KCND2: variants seen among roughly 807,000 people sequenced by gnomAD.
The protein encoded by KCND2 is A-type voltage-gated potassium channel KCND2.
Under a neutral mutation model 54.4 loss-of-function variants are expected in KCND2, and 16 were observed. The observed-to-expected ratio is 0.29, with a 90% confidence interval of 0.20 to 0.45. The LOEUF (loss-of-function observed/expected upper bound fraction) is 0.45, where lower values mean the gene tolerates loss of function less well. KCND2 is among the 20% of genes least tolerant of loss of function. The probability of loss-of-function intolerance (pLI) is 1.00; values close to 1 mark genes in which losing one functional copy is unlikely to be tolerated. For missense variants in KCND2, 486 were observed against 824.2 expected (o/e 0.59, Z 5.02); for synonymous variants, 317 against 310.7 (o/e 1.02, Z -0.21).
intron 1 of KCND2, among the ~76,000 whole-genome samples, chr7:120,278,075 G>A (rs1799205538): frequency 1.3e-5 from 2 of 151,960 alleles, no homozygotes; most frequent in South Asian, 4.1e-4. Flanking sequence ...AAATGTCGAT[G>A]TAATCAAAAT....
chr7:120,430,941 A>C (rs1045517331), intron 1 of KCND2, among the ~76,000 whole-genome samples: 1 of 152,212 alleles, frequency 6.6e-6, no homozygotes, highest in Admixed American at 6.5e-5. Context: ...TGAGTTAATA[A>C]ATTTCTGTAC....
intron 1 of KCND2, among the ~76,000 whole-genome samples, chr7:120,306,200 C>G (rs1192880079): frequency 2.6e-5 from 4 of 152,014 alleles, no homozygotes; most frequent in African/African-American, 9.7e-5. Flanking sequence ...ATATCTCAAT[C>G]CCACCTCCTC....
chr7:120,402,774 T>A (rs1012447999), intron 1 of KCND2, among the ~76,000 whole-genome samples: 1 of 152,178 alleles, frequency 6.6e-6, no homozygotes, highest in Non-Finnish European at 1.5e-5. Context: ...TTTGACATAG[T>A]TTGCTTACAT....
At chr7:120,313,622 G>GT (rs1287581601) in intron 1 of KCND2, among the ~76,000 whole-genome samples, 7 of 152,072 alleles carry the variant, frequency 4.6e-5, no homozygotes, top group Admixed American at 4.6e-4. Context: ...CTGGGGCTGT[G>GT]TTGAGTGCCA....
At chr7:120,324,090 A>G (rs905583383) in intron 1 of KCND2, among the ~76,000 whole-genome samples, 1 of 151,268 alleles carries the variant, frequency 6.6e-6, no homozygotes, top group Admixed American at 6.6e-5. Context: ...GGGTGCATAA[A>G]TGTCTTCTTT....
In KCND2 at chr7:120,273,652, C is replaced by T. The variant is rs1257412166; in HGVS notation, c.-981C>T. On this transcript the variant is annotated 5_prime_UTR_variant, in exon 1 of 6. Coordinates refer to ENST00000331113, the MANE Select transcript of KCND2 (RefSeq NM_012281.3). The stretch of plus-strand genomic sequence containing the variant: ...CTCGCTTGAGCTTTATTTATGCTCT[C>T]TCGGCGCATCGGATTCGGCTGCTCG... 1 of 152,604 alleles carries T rather than the reference C, an allele frequency of 6.6e-6. No individual in the cohort carries two copies. Among genetic ancestry groups the T allele is most frequent in the African/African-American group, 2.4e-5 (1 of 41,458 alleles). 9.5% of individuals were successfully genotyped at this position (152,604 alleles called of 1,614,324 possible).
At chr7:120,313,319 A>C (rs1211080708) in intron 1 of KCND2, among the ~76,000 whole-genome samples, 1 of 152,192 alleles carries the variant, frequency 6.6e-6, no homozygotes, top group African/African-American at 2.4e-5. Flanking sequence ...TAATAGATAA[A>C]ATATTTCTAT....
intron 1 of KCND2, among the ~76,000 whole-genome samples, chr7:120,480,477 A>C (rs1030244772): frequency 1.1e-4 from 16 of 152,220 alleles, no homozygotes; most frequent in Admixed American, 3.9e-4. Flanking sequence ...ATAAATGAGC[A>C]GATTGAATAT....
intron 1 of KCND2, among the ~76,000 whole-genome samples, chr7:120,691,906 C>T (rs1463767516): frequency 6.6e-6 from 1 of 152,126 alleles, no homozygotes; most frequent in Admixed American, 6.6e-5. Context: ...GTCCTAAAAT[C>T]AAATGCAGAA....
intron 1 of KCND2, among the ~76,000 whole-genome samples, chr7:120,687,471 A>T (rs538754920): frequency 6.6e-6 from 1 of 152,286 alleles, no homozygotes. Context: ...AATGAAATGC[A>T]TGTGCTGATT....
intron 1 of KCND2, among the ~76,000 whole-genome samples, chr7:120,459,620 A>G (rs1257066091): frequency 6.6e-6 from 1 of 152,218 alleles, no homozygotes; most frequent in African/African-American, 2.4e-5. Flanking sequence ...TGCCTAAAAT[A>G]GTAAGTTCCT....
At chr7:120,664,059 T>C (rs1791896471) in intron 1 of KCND2, among the ~76,000 whole-genome samples, 2 of 151,174 alleles carry the variant, frequency 1.3e-5, no homozygotes, top group Non-Finnish European at 3.0e-5. Context: ...CTGACACTTT[T>C]GTGAAGGCAT....
intron 1 of KCND2, among the ~76,000 whole-genome samples, chr7:120,403,183 A>G (rs950658451): frequency 6.6e-6 from 1 of 152,138 alleles, no homozygotes; most frequent in East Asian, 1.9e-4. Context: ...CCCAATTCCA[A>G]GTTCCTAAAA....
intron 1 of KCND2, among the ~76,000 whole-genome samples, chr7:120,408,641 C>G (rs952126280): frequency 3.3e-5 from 5 of 151,782 alleles, no homozygotes; most frequent in African/African-American, 9.7e-5. Context: ...TTCCATTGTT[C>G]CCTCAGGAGT....
intron 1 of KCND2, among the ~76,000 whole-genome samples, chr7:120,670,689 G>A (rs1791980540): frequency 6.6e-6 from 1 of 151,986 alleles, no homozygotes; most frequent in African/African-American, 2.4e-5. Flanking sequence ...GGCCGAGGTG[G>A]GTGGATCACG....
At chr7:120,635,360 G>C (rs1259524978) in intron 1 of KCND2, among the ~76,000 whole-genome samples, 1 of 152,188 alleles carries the variant, frequency 6.6e-6, no homozygotes, top group Non-Finnish European at 1.5e-5. Context: ...TGCAACATTG[G>C]CTGTGGGTGC....
intron 1 of KCND2, among the ~76,000 whole-genome samples, chr7:120,397,993 GTGTATATATATATATATATA>G (rs1409747943): frequency 0.011 from 437 of 39,992 alleles, 3 homozygotes; most frequent in African/African-American, 0.02. Flanking sequence ...GTGTGTGTGT[GTGTATATATATATATATATA>G]TATATATATA....
chr7:120,515,483 A>G (rs1291553157), intron 1 of KCND2, among the ~76,000 whole-genome samples: 1 of 152,162 alleles, frequency 6.6e-6, no homozygotes, highest in Non-Finnish European at 1.5e-5. Context: ...TAGTAGTTGC[A>G]AGAAGATATC....
intron 1 of KCND2, among the ~76,000 whole-genome samples, chr7:120,339,692 T>C (rs766591381): frequency 2.0e-5 from 3 of 152,116 alleles, no homozygotes; most frequent in Non-Finnish European, 4.4e-5. Flanking sequence ...CGTGCGCACA[T>C]AGACATGTGC....
Sources: gnomAD v4.1 joint callset for allele counts (sites outside exome capture counted in the v4.1 genomes callset) on GRCh38, gnomAD v4.1.1 for gene constraint, MANE v1.5 for transcripts, NCBI Gene and HGNC (gene_info 2026-07-23, HGNC 2026-07-21) for gene names.